SYNDIG1: variants seen among roughly 807,000 people sequenced by gnomAD.
SYNDIG1 encodes the protein synapse differentiation-inducing gene protein 1.
A neutral mutation model predicts 19.4 loss-of-function variants in SYNDIG1; 9 were observed. That is an observed-to-expected ratio of 0.46 (90% confidence interval 0.28 to 0.81). The LOEUF (loss-of-function observed/expected upper bound fraction) is 0.81. SYNDIG1 is among the 30% of genes least tolerant of loss of function. SYNDIG1 has a pLI of 0.12. For synonymous variants in SYNDIG1, 141 were observed against 145.9 expected (o/e 0.97, Z 0.24); for missense variants, 311 against 343.3 (o/e 0.91, Z 0.74).
chr20:24,517,973 T>C (rs1475208220), intron 1 of SYNDIG1, among the ~76,000 whole-genome samples: 1 of 151,026 alleles, frequency 6.6e-6, no homozygotes, highest in African/African-American at 2.4e-5. Context: ...ACCCGGCTAA[T>C]TTTTTGTATT....
At chr20:24,578,772 A>G (rs2058274235) in intron 2 of SYNDIG1, among the ~76,000 whole-genome samples, 1 of 152,214 alleles carries the variant, frequency 6.6e-6, no homozygotes, top group South Asian at 2.1e-4. Flanking sequence ...CGCCAAGCCC[A>G]GAGTAAAGAG....
intron 3 of SYNDIG1, among the ~76,000 whole-genome samples, chr20:24,636,253 T>C: frequency 6.6e-6 from 1 of 152,164 alleles, no homozygotes; most frequent in Non-Finnish European, 1.5e-5. Context: ...TGAAGCTGCG[T>C]CATTGTTTGG....
intron 1 of SYNDIG1, among the ~76,000 whole-genome samples, chr20:24,534,849 C>T (rs950116233): frequency 2.0e-5 from 3 of 152,158 alleles, no homozygotes; most frequent in East Asian, 1.9e-4. Context: ...GGACACGGTG[C>T]GGCTTCCTTT....
intron 3 of SYNDIG1, among the ~76,000 whole-genome samples, chr20:24,605,243 G>A (rs2058738067): frequency 6.6e-6 from 1 of 152,192 alleles, no homozygotes; most frequent in Non-Finnish European, 1.5e-5. Flanking sequence ...ACATGTAAAC[G>A]AAGGTTGCAA....
chr20:24,607,458 G>C (rs2147155948), intron 3 of SYNDIG1, among the ~76,000 whole-genome samples: 1 of 152,282 alleles, frequency 6.6e-6, no homozygotes, highest in Non-Finnish European at 1.5e-5. Context: ...TGGCCAAAGG[G>C]CCGTCCTCAA....
At chr20:24,626,487 G>T in intron 3 of SYNDIG1, among the ~76,000 whole-genome samples, 1 of 151,954 alleles carries the variant, frequency 6.6e-6, no homozygotes, top group Non-Finnish European at 1.5e-5. Flanking sequence ...GGGCGGCCGG[G>T]CAGAGACGCT....
At chr20:24,644,366 A>G (rs188820298) in intron 3 of SYNDIG1, among the ~76,000 whole-genome samples, 3 of 152,368 alleles carry the variant, frequency 2.0e-5, no homozygotes, top group Admixed American at 1.3e-4. Flanking sequence ...CTCTTCTGCA[A>G]TGTGGCCTTG....
intron 3 of SYNDIG1, among the ~76,000 whole-genome samples, chr20:24,631,734 TTA>T (rs950873318): frequency 2.0e-5 from 3 of 152,104 alleles, no homozygotes; most frequent in African/African-American, 7.2e-5. Flanking sequence ...CTTTCTTGAT[TTA>T]TATATATATA....
At chr20:24,470,389 G>T (rs1018486455) in intron 1 of SYNDIG1, among the ~76,000 whole-genome samples, 1 of 152,248 alleles carries the variant, frequency 6.6e-6, no homozygotes. Context: ...GACTCCTGGA[G>T]CCTCTTTCCT....
intron 3 of SYNDIG1, among the ~76,000 whole-genome samples, chr20:24,626,169 C>T (rs1296845299): frequency 6.7e-6 from 1 of 149,832 alleles, no homozygotes; most frequent in East Asian, 2.0e-4. Flanking sequence ...GGGCAGGGGG[C>T]TGACCCCCCA....
chr20:24,551,359 A>G (rs1187611033), intron 2 of SYNDIG1, among the ~76,000 whole-genome samples: 3 of 152,064 alleles, frequency 2.0e-5, no homozygotes, highest in Non-Finnish European at 4.4e-5. Context: ...CATTTTAGTA[A>G]TTTAAGTTTC....
intron 2 of SYNDIG1, among the ~76,000 whole-genome samples, chr20:24,557,718 G>A (rs772039177): frequency 4.6e-5 from 7 of 152,266 alleles, no homozygotes; most frequent in Middle Eastern, 3.4e-3. Flanking sequence ...TGCCCGTACT[G>A]GGGGGTGCCT....
intron 3 of SYNDIG1, among the ~76,000 whole-genome samples, chr20:24,597,701 C>T (rs1205421153): frequency 6.6e-6 from 1 of 152,122 alleles, no homozygotes; most frequent in African/African-American, 2.4e-5. Flanking sequence ...AGTGTGATTC[C>T]AGGCCAGCGA....
intron 3 of SYNDIG1, among the ~76,000 whole-genome samples, chr20:24,590,821 G>A (rs948745370): frequency 3.9e-5 from 6 of 152,152 alleles, no homozygotes; most frequent in African/African-American, 1.2e-4. Context: ...AAGCACCGGC[G>A]CGGTGATGAG....
intron 2 of SYNDIG1, among the ~76,000 whole-genome samples, chr20:24,559,693 C>A (rs1005363139): frequency 3.3e-5 from 5 of 152,138 alleles, no homozygotes; most frequent in African/African-American, 7.2e-5. Context: ...CCTTTATTTA[C>A]CTGGGAATGT....
rs139995461 is a variant in SYNDIG1 at position 24,499,340 on chromosome 20, A to C, written c.-79+29587A>C. ...GCGCTCAGCCTAGTGAAAGATGGGA[A>C]TCTTTCCTGATCCAGTTCAGCCACA... On this transcript the variant is annotated intron_variant, in intron 1 of 3. Coordinates refer to ENST00000376862, the MANE Select transcript of SYNDIG1 (RefSeq NM_024893.3). Among the ~76,000 whole-genome samples the C allele has an allele frequency of 2.8e-3, 422 of 152,310 alleles. 3 individuals carry two copies. Among genetic ancestry groups the C allele is most frequent in the African/African-American group, 9.7e-3 (402 of 41,576 alleles).
intron 2 of SYNDIG1, among the ~76,000 whole-genome samples, chr20:24,545,960 G>C (rs929067895): frequency 1.3e-5 from 2 of 152,198 alleles, no homozygotes; most frequent in East Asian, 3.8e-4. Flanking sequence ...AGGCACTTTA[G>C]TGAGACTTTC....
chr20:24,553,663 A>G (rs1194533552), intron 2 of SYNDIG1, among the ~76,000 whole-genome samples: 2 of 152,104 alleles, frequency 1.3e-5, no homozygotes, highest in East Asian at 1.9e-4. Context: ...TGTTCCATTC[A>G]TCTATATCTC....
chr20:24,485,126 G>T (rs574749794), intron 1 of SYNDIG1, among the ~76,000 whole-genome samples: 1 of 152,316 alleles, frequency 6.6e-6, no homozygotes, highest in East Asian at 1.9e-4. Flanking sequence ...CCGGGGCCAT[G>T]GCCTTGAACT....
Sources: allele counts gnomAD v4.1 joint callset (sites outside exome capture counted in the v4.1 genomes callset), GRCh38; gene constraint gnomAD v4.1.1; transcripts MANE v1.5; gene names NCBI Gene and HGNC (gene_info 2026-07-23, HGNC 2026-07-21).